The following CDRT4 variants were observed in gnomAD, a reference collection of about 807,000 sequenced individuals.
CDRT4 encodes CMT1A duplicated region transcript 4, also known as CMT1A duplicated region transcript 4 protein.
For synonymous variants in CDRT4, 64 were observed against 69.6 expected (o/e 0.92, Z 0.40); for missense variants, 167 against 193.1 (o/e 0.87, Z 0.80).
chr17:15,440,349 T>C (rs1026700370), intron 2 of CDRT4, 64 bp from the exon 3 acceptor site: 14 of 1,561,916 alleles, frequency 9.0e-6, no homozygotes, highest in Middle Eastern at 1.7e-4. Context: ...GTAGCCACCC[T>C]GGGTGGGGGT....
At chr17:15,465,237 C>T (rs1373746588) in intron 1 of CDRT4, among the ~76,000 whole-genome samples, 1 of 119,118 alleles carries the variant, frequency 8.4e-6, no homozygotes, top group South Asian at 3.8e-4. Flanking sequence ...CAGACACACA[C>T]AACAGACACA....
chr17:15,444,056 A>AAAC (rs1978903246), intron 2 of CDRT4: 2 of 944,738 alleles, frequency 2.1e-6, no homozygotes, highest in South Asian at 2.6e-5. Context: ...AAGATGAAGG[A>AAAC]AACAACATTG....
chr17:15,438,321 AT>A, intron 3 of CDRT4, 121 bp from the exon 4 acceptor site: 2 of 828,496 alleles, frequency 2.4e-6, no homozygotes, highest in East Asian at 5.1e-5. Flanking sequence ...CACCCCTTGT[AT>A]TCAGTAGGAA....
chr17:15,438,149 G>T lies in CDRT4; in HGVS notation c.83C>A (p.Pro28His). The change falls in exon 4 of 4, where the codon CCC becomes CAC. Residue 28 changes from proline to histidine, a missense_variant. Physicochemically the swap from Pro to His is moderately conservative, Grantham distance 77. Coordinates refer to ENST00000619038, the MANE Select transcript of CDRT4 (RefSeq NM_001204477.2). ...LPRKLLEKHD[P>H]WPAYVTYTSQ... ...GGTATAGGTGACATAGGCCGGCCAG[G>T]GGTCATGTTTTTCAAGTAGCTTCCG... 1 of 1,614,082 alleles carries T rather than the reference G, an allele frequency of 6.2e-7. No homozygotes were observed. The highest frequency in any genetic ancestry group is 1.7e-5 in the Admixed American group (1 of 60,008).
intron 2 of CDRT4, among the ~76,000 whole-genome samples, chr17:15,445,534 G>A (rs1978986312): frequency 6.6e-6 from 1 of 152,140 alleles, no homozygotes; most frequent in South Asian, 2.1e-4. Context: ...TTTAATGCGT[G>A]GGTCATCTCA....
At chr17:15,448,856 G>A (rs565882772) in intron 2 of CDRT4, among the ~76,000 whole-genome samples, 1 of 152,190 alleles carries the variant, frequency 6.6e-6, no homozygotes, top group Non-Finnish European at 1.5e-5. Flanking sequence ...CCTTTGCGCT[G>A]TTCCCTGTCA....
intron 2 of CDRT4, among the ~76,000 whole-genome samples, chr17:15,449,544 ACT>A (rs1207570026): frequency 4.7e-5 from 7 of 150,204 alleles, no homozygotes; most frequent in Non-Finnish European, 7.4e-5. Flanking sequence ...TCCCCAAGCA[ACT>A]CTTTCTTTTT....
At position 15,464,956 on chromosome 17, in the gene CDRT4, G is replaced by C. The variant is rs1979928840; in HGVS notation, c.-130+2504C>G. Among the ~76,000 whole-genome samples the C allele has an allele frequency of 1.3e-5, 2 of 150,908 alleles. No individual in the cohort carries two copies. The highest frequency in any genetic ancestry group is 3.0e-5 in the Non-Finnish European group (2 of 67,610). On this transcript the variant is annotated intron_variant, in intron 1 of 3. Coordinates refer to ENST00000619038, the MANE Select transcript of CDRT4 (RefSeq NM_001204477.2). This position sits in a 1 kb window ranked among gnomAD's most constrained non-coding sequence, Gnocchi z 4.5. The stretch of plus-strand genomic sequence containing the variant: ...CAACACACACACACACCAACACACA[G>C]ACACACACACCAACAGACACACCAA...
intron 2 of CDRT4, among the ~76,000 whole-genome samples, chr17:15,444,439 C>A (rs1463095627): frequency 6.6e-6 from 1 of 152,146 alleles, no homozygotes; most frequent in East Asian, 1.9e-4. Flanking sequence ...GCAGTACAGG[C>A]ACTGGAATTA....
At chr17:15,458,515 C>T (rs73287783) in intron 1 of CDRT4, among the ~76,000 whole-genome samples, 3 of 152,026 alleles carry the variant, frequency 2.0e-5, no homozygotes, top group East Asian at 1.9e-4. Flanking sequence ...TACTCAGTAG[C>T]GGGGCTGCTG....
chr17:15,458,640 C>T (rs1408900245), intron 1 of CDRT4, among the ~76,000 whole-genome samples: 1 of 152,156 alleles, frequency 6.6e-6, no homozygotes, highest in Non-Finnish European at 1.5e-5. Context: ...CCCGTGACAG[C>T]CACGGTGTTC....
intron 1 of CDRT4, among the ~76,000 whole-genome samples, chr17:15,457,669 C>T (rs938737725): frequency 1.3e-5 from 2 of 152,246 alleles, no homozygotes. Flanking sequence ...GAATCCCTCC[C>T]TCATCATCCA....
At chr17:15,462,161 C>G (rs56224291) in intron 1 of CDRT4, among the ~76,000 whole-genome samples, 152,226 of 152,226 alleles carry the variant, frequency 1, 76,113 homozygotes, top group Non-Finnish European at 1. Context: ...CGGGCGTGGT[C>G]GTCACGCCTG....
At chr17:15,461,998 A>G (rs1979770057) in intron 1 of CDRT4, among the ~76,000 whole-genome samples, 1 of 152,186 alleles carries the variant, frequency 6.6e-6, no homozygotes, top group Non-Finnish European at 1.5e-5. Flanking sequence ...TGAAGTAAAC[A>G]GCAGATTCGA....
rs996179755 is a variant in CDRT4 at position 15,451,332 on chromosome 17, T to G, written c.-48+1672A>C. Reference sequence around the variant, plus strand: ...GTGAATCCATTAAACCTCTTTCCTTTATAAATTACCCAGTCTCGGGTATTT... The same window carrying G: ...GTGAATCCATTAAACCTCTTTCCTTGATAAATTACCCAGTCTCGGGTATTT... On this transcript the variant is annotated intron_variant, in intron 2 of 3. Transcript: ENST00000619038. 3.9e-5 allele frequency among the ~76,000 whole-genome samples: 6 copies of G among 152,340 alleles called. No individual in the cohort carries two copies. The East Asian group carries it at 1.2e-3, about 29-fold the overall frequency.
chr17:15,446,861 C>A (rs764741457), intron 2 of CDRT4, among the ~76,000 whole-genome samples: 21 of 152,144 alleles, frequency 1.4e-4, no homozygotes, highest in Non-Finnish European at 1.8e-4. Flanking sequence ...TATATGTGTA[C>A]GTTGAGGGCA....
rs1567611559 is a variant in CDRT4 at position 15,450,801 on chromosome 17, GGT to G, written c.-48+2201_-48+2202del. Among the ~76,000 whole-genome samples, 1 of 151,936 alleles carries G rather than the reference GGT, an allele frequency of 6.6e-6. No homozygotes were observed. The highest frequency in any genetic ancestry group is 1.5e-5 in the Non-Finnish European group (1 of 67,990). ...CTTACTCCATAAAATGTTCCTCTCT[GGT>G]CTCTTCCATCTCAGAAAGAGGCATC... On this transcript the variant is annotated intron_variant, in intron 2 of 3. Coordinates refer to ENST00000619038, the MANE Select transcript of CDRT4 (RefSeq NM_001204477.2). The surrounding 1 kb of genome is among the most constrained non-coding windows in gnomAD (Gnocchi z 4.2).
intron 1 of CDRT4, among the ~76,000 whole-genome samples, chr17:15,457,968 A>G (rs946037867): frequency 1.3e-5 from 2 of 152,202 alleles, no homozygotes; most frequent in African/African-American, 4.8e-5. Flanking sequence ...GGAAACAGAG[A>G]GGGGCTCAGG....
chr17:15,462,042 T>C (rs975781510), intron 1 of CDRT4, among the ~76,000 whole-genome samples: 49 of 152,292 alleles, frequency 3.2e-4, no homozygotes, highest in African/African-American at 1.2e-3. Context: ...GAGGCCAGGC[T>C]GCATAAAAGC....
Sources: gnomAD v4.1 joint callset for allele counts (sites outside exome capture counted in the v4.1 genomes callset) on GRCh38, gnomAD v4.1.1 for gene constraint, Gnocchi (gnomAD v3.1) non-coding constraint, MANE v1.5 for transcripts, NCBI Gene and HGNC (gene_info 2026-07-23, HGNC 2026-07-21) for gene names.